The following CADPS2 variants were observed in gnomAD, a reference collection of about 807,000 sequenced individuals.
The protein encoded by CADPS2 is calcium dependent secretion activator 2.
In CADPS2, 93 loss-of-function variants were observed where a neutral mutation model predicts 172.5. The observed-to-expected ratio is 0.54, with a 90% CI of 0.46 to 0.64. CADPS2 has a LOEUF of 0.64. CADPS2 is among the 30% of genes least tolerant of loss of function. The pLI, the probability that CADPS2 is intolerant of heterozygous loss-of-function variation, is 0.00. For synonymous variants in CADPS2, 546 were observed against 555.2 expected (o/e 0.98, Z 0.23); for missense variants, 1,420 against 1,565.9 (o/e 0.91, Z 1.57).
chr7:122,473,118 A>T (rs192196853), intron 13 of CADPS2, among the ~76,000 whole-genome samples: 32 of 152,290 alleles, frequency 2.1e-4, no homozygotes, highest in Admixed American at 3.9e-4. Context: ...TTCTCTATAC[A>T]TTGTGAATTA....
chr7:122,601,062 A>G (rs2072687611), intron 6 of CADPS2, among the ~76,000 whole-genome samples: 2 of 152,088 alleles, frequency 1.3e-5, no homozygotes, highest in Non-Finnish European at 2.9e-5. Flanking sequence ...AATCATATTC[A>G]TAGTGCATAA....
At position 122,419,249 on chromosome 7, in the gene CADPS2, C is replaced by T. The variant is rs970005789; in HGVS notation, c.2477-3085G>A. ...ACCCCCAAATTTTTAATTTTGCATG[C>T]GATTGCAAAGAGCTCATCTGTATCT... is the stretch of plus-strand genomic sequence containing the variant. On this transcript the variant is annotated intron_variant, in intron 17 of 29. Coordinates refer to ENST00000449022, the MANE Select transcript of CADPS2 (RefSeq NM_017954.11). Among the ~76,000 whole-genome samples the T allele has an allele frequency of 9.9e-5, 15 of 152,138 alleles. No individual in the cohort carries two copies. The East Asian group carries it at 1.3e-3, about 14-fold the overall frequency.
chr7:122,436,432 G>A lies in CADPS2; in HGVS notation c.2476+1909C>T, dbSNP rs376582905. On this transcript the variant is annotated intron_variant, in intron 17 of 29. Transcript: ENST00000449022. The stretch of plus-strand genomic sequence containing the variant: ...GAGAAAAGCAAACTCTACCCTTGTC[G>A]TTCATATAATGTAAAAGGCCACTTT... 26 of 1,130,938 alleles carry A rather than the reference G, an allele frequency of 2.3e-5. 1 individual carries two copies. Among genetic ancestry groups the A allele is most frequent in the South Asian group, 1.5e-4 (11 of 73,494 alleles). The allele number at this position is 1,130,938 out of a possible 1,614,324, so 70.1% of individuals were successfully genotyped here.
intron 3 of CADPS2, 62 bp from the exon 4 acceptor site, chr7:122,629,390 G>T: frequency 8.2e-7 from 1 of 1,224,250 alleles, no homozygotes; most frequent in South Asian, 1.5e-5. Flanking sequence ...GTGACCCACA[G>T]ACTGAGGCAG....
At chr7:122,760,565 C>T (rs975491903) in intron 1 of CADPS2, among the ~76,000 whole-genome samples, 2 of 151,818 alleles carry the variant, frequency 1.3e-5, no homozygotes, top group Non-Finnish European at 2.9e-5. Context: ...CTAGTTAATA[C>T]CAAAGAATCC....
intron 1 of CADPS2, among the ~76,000 whole-genome samples, chr7:122,833,083 A>G (rs1807098560): frequency 6.6e-6 from 1 of 152,186 alleles, no homozygotes; most frequent in East Asian, 1.9e-4. Flanking sequence ...CACAACTACT[A>G]CTAACATCTT....
intron 2 of CADPS2, among the ~76,000 whole-genome samples, chr7:122,709,007 G>T (rs2088166518): frequency 6.6e-6 from 1 of 151,988 alleles, no homozygotes; most frequent in South Asian, 2.1e-4. Flanking sequence ...ATTTAGACTG[G>T]ATTTTTGTTT....
intron 2 of CADPS2, among the ~76,000 whole-genome samples, chr7:122,731,104 A>C (rs2091598655): frequency 6.6e-6 from 1 of 151,570 alleles, no homozygotes; most frequent in Non-Finnish European, 1.5e-5. Flanking sequence ...TGATTTTAAT[A>C]CTTTTTTGGT....
intron 17 of CADPS2, among the ~76,000 whole-genome samples, chr7:122,437,861 A>ATTTGAAATTGAATGTACTGAT (rs1199078008): frequency 6.6e-6 from 1 of 152,052 alleles, no homozygotes; most frequent in East Asian, 1.9e-4. Flanking sequence ...CAAATGCATC[A>ATTTGAAATTGAATGTACTGAT]GTACATTGCA....
intron 5 of CADPS2, among the ~76,000 whole-genome samples, chr7:122,616,298 A>G (rs1455866026): frequency 6.6e-6 from 1 of 152,090 alleles, no homozygotes; most frequent in Non-Finnish European, 1.5e-5. Context: ...AACATCTATC[A>G]TAAACATAAT....
At chr7:122,376,612 A>G (rs943654986) in intron 25 of CADPS2, among the ~76,000 whole-genome samples, 5 of 152,172 alleles carry the variant, frequency 3.3e-5, no homozygotes, top group African/African-American at 9.7e-5. Context: ...AAGCAGTCTC[A>G]GTTATGCATG....
intron 1 of CADPS2, among the ~76,000 whole-genome samples, chr7:122,851,576 C>T (rs1813640465): frequency 6.6e-6 from 1 of 152,140 alleles, no homozygotes; most frequent in South Asian, 2.1e-4. Flanking sequence ...ATACCCAAGA[C>T]TGGGTAATTT....
intron 3 of CADPS2, among the ~76,000 whole-genome samples, chr7:122,651,260 G>A (rs1179539403): frequency 5.6e-5 from 8 of 143,636 alleles, no homozygotes; most frequent in Non-Finnish European, 6.1e-5. Flanking sequence ...CTACTAGTTG[G>A]AAAAAAAAAA....
chr7:122,649,031 C>T (rs1287719668), intron 3 of CADPS2, among the ~76,000 whole-genome samples: 1 of 151,948 alleles, frequency 6.6e-6, no homozygotes, highest in Non-Finnish European at 1.5e-5. Flanking sequence ...TCCAGACCCT[C>T]AATTTGTTCC....
At chr7:122,769,477 C>A (rs889555206) in intron 1 of CADPS2, among the ~76,000 whole-genome samples, 45 of 151,974 alleles carry the variant, frequency 3.0e-4, no homozygotes, top group African/African-American at 1.0e-3. Flanking sequence ...ACATCCCCAA[C>A]TCTTCACCTC....
intron 9 of CADPS2, among the ~76,000 whole-genome samples, chr7:122,498,210 A>T (rs2130232359): frequency 6.6e-6 from 1 of 152,322 alleles, no homozygotes; most frequent in Non-Finnish European, 1.5e-5. Context: ...GGCCTTGCAA[A>T]GTGCTGAGAT....
chr7:122,676,133 A>G (rs1450590939), intron 2 of CADPS2, among the ~76,000 whole-genome samples: 1 of 152,220 alleles, frequency 6.6e-6, no homozygotes, highest in Non-Finnish European at 1.5e-5. Flanking sequence ...AAAAGCCAAC[A>G]TGATCCGAAA....
chr7:122,458,014 G>C (rs1479437112), intron 14 of CADPS2, among the ~76,000 whole-genome samples: 2 of 152,170 alleles, frequency 1.3e-5, no homozygotes, highest in African/African-American at 2.4e-5. Flanking sequence ...TGTTGTAAAA[G>C]ATTATTTCAC....
chr7:122,579,055 T>C (rs755339920), intron 7 of CADPS2, among the ~76,000 whole-genome samples: 2 of 152,086 alleles, frequency 1.3e-5, no homozygotes, highest in African/African-American at 2.4e-5. Context: ...CAATATACAA[T>C]TGGAAATACT....
Sources: allele counts gnomAD v4.1 joint callset (sites outside exome capture counted in the v4.1 genomes callset), GRCh38; gene constraint gnomAD v4.1.1; transcripts MANE v1.5; gene names NCBI Gene and HGNC (gene_info 2026-07-23, HGNC 2026-07-21).